SUPT3H: variants seen among roughly 807,000 people sequenced by gnomAD.
SUPT3H encodes the protein SPT3 homolog, SAGA and STAGA complex component, also known as transcription initiation protein SPT3 homolog.
Under a neutral mutation model 44.3 loss-of-function variants are expected in SUPT3H, and 44 were observed. The observed-to-expected ratio is 0.99, with a 90% CI of 0.78 to 1.28. The LOEUF is 1.28. Among genes scored for constraint, SUPT3H ranks in the 50% most tolerant of loss-of-function variants. The pLI, the probability that SUPT3H is intolerant of heterozygous loss-of-function variation, is 0.00. For missense variants in SUPT3H, 380 were observed against 387.1 expected (o/e 0.98, Z 0.15); for synonymous variants, 124 against 125.6 (o/e 0.99, Z 0.09).
intron 2 of SUPT3H, chr6:45,361,836 A>C (rs906931163): frequency 2.6e-5 from 4 of 152,368 alleles, no homozygotes; most frequent in African/African-American, 9.7e-5. Flanking sequence ...GGATCACTTG[A>C]GGTCAGGAGT....
intron 2 of SUPT3H, among the ~76,000 whole-genome samples, chr6:45,120,933 T>C (rs1393917425): frequency 6.6e-6 from 1 of 152,192 alleles, no homozygotes; most frequent in Non-Finnish European, 1.5e-5. Context: ...AGAACAATAA[T>C]ATTAGAACAA....
chr6:44,846,860 C>T (rs1771964696), intron 10 of SUPT3H, among the ~76,000 whole-genome samples: 1 of 152,106 alleles, frequency 6.6e-6, no homozygotes, highest in African/African-American at 2.4e-5. Flanking sequence ...AAACTCTTGA[C>T]CTCAGGTGAT....
chr6:44,916,206 G>A (rs1767781848), intron 10 of SUPT3H, among the ~76,000 whole-genome samples: 1 of 152,198 alleles, frequency 6.6e-6, no homozygotes, highest in South Asian at 2.1e-4. Context: ...ATCCTTTCCT[G>A]ATGCTCAAGC....
intron 2 of SUPT3H, among the ~76,000 whole-genome samples, chr6:45,364,735 A>C (rs1436278943): frequency 6.6e-6 from 1 of 152,198 alleles, no homozygotes; most frequent in African/African-American, 2.4e-5. Flanking sequence ...GCTCTGAAAC[A>C]CAGTGATTTC....
chr6:44,852,059 G>A (rs1199714350), intron 10 of SUPT3H, among the ~76,000 whole-genome samples: 1 of 152,136 alleles, frequency 6.6e-6, no homozygotes, highest in African/African-American at 2.4e-5. Flanking sequence ...GGACCAATTC[G>A]TGGTAATAAT....
chr6:44,933,107 AC>A (rs200532407), intron 9 of SUPT3H, among the ~76,000 whole-genome samples: 1,706 of 152,314 alleles, frequency 0.011, 14 homozygotes, highest in South Asian at 0.025. Context: ...TTTAAAAAAA[AC>A]ATTTTAACAT....
chr6:44,822,983 T>G (rs138261145), downstream of SUPT3H, among the ~76,000 whole-genome samples: 785 of 151,438 alleles, frequency 5.2e-3, 5 homozygotes, highest in African/African-American at 0.018. Context: ...CTGGATGTGG[T>G]GGCGCATGCC....
chr6:44,929,128 C>T (rs1435351181), intron 10 of SUPT3H, among the ~76,000 whole-genome samples: 2 of 151,700 alleles, frequency 1.3e-5, no homozygotes, highest in South Asian at 2.1e-4. Context: ...TCCTTCTTCC[C>T]CAGCTAACAT....
intron 2 of SUPT3H, among the ~76,000 whole-genome samples, chr6:45,206,603 A>C (rs1763254372): frequency 6.6e-6 from 1 of 152,170 alleles, no homozygotes; most frequent in African/African-American, 2.4e-5. Context: ...GAAGAATAAA[A>C]CAAGGGGCAG....
chr6:45,153,291 G>A (rs1807246974), intron 2 of SUPT3H, among the ~76,000 whole-genome samples: 1 of 152,160 alleles, frequency 6.6e-6, no homozygotes, highest in African/African-American at 2.4e-5. Context: ...CTTCACTAGT[G>A]TAGCCCTAGT....
At chr6:44,882,028 A>C (rs1778314609) in intron 10 of SUPT3H, among the ~76,000 whole-genome samples, 1 of 152,192 alleles carries the variant, frequency 6.6e-6, no homozygotes, top group Admixed American at 6.5e-5. Context: ...CCAAGACATA[A>C]CTAAGATCAG....
chr6:45,165,773 A>G (rs922905011), intron 2 of SUPT3H, among the ~76,000 whole-genome samples: 2 of 152,154 alleles, frequency 1.3e-5, no homozygotes, highest in Non-Finnish European at 2.9e-5. Flanking sequence ...ACATAAAGAC[A>G]AGTGAACAAA....
chr6:45,332,411 T>C (rs897848034), intron 2 of SUPT3H, among the ~76,000 whole-genome samples: 13 of 151,894 alleles, frequency 8.6e-5, no homozygotes, highest in African/African-American at 2.9e-4. Flanking sequence ...TGGGACTATA[T>C]TATTTATTTT....
chr6:45,376,428 AATTT>A lies in SUPT3H; in HGVS notation c.-1+1336_-1+1339del, dbSNP rs373747064. ...ACATGTGGGTATTTAAACGTAAATCAATTTATTAATTTATGAATAAAATTAAAAA... is the reference window on the plus strand; with the variant it reads ...ACATGTGGGTATTTAAACGTAAATCAATTAATTTATGAATAAAATTAAAAA... On this transcript the variant is annotated intron_variant, in intron 1 of 10. Transcript: ENST00000371459. Among the ~76,000 whole-genome samples the A allele has an allele frequency of 2.6e-3, 391 of 152,358 alleles. 3 individuals are homozygous for A. Among genetic ancestry groups the A allele is most frequent in the African/African-American group, 8.6e-3 (357 of 41,580 alleles).
At chr6:45,157,317 T>C (rs1807991670) in intron 2 of SUPT3H, among the ~76,000 whole-genome samples, 2 of 151,972 alleles carry the variant, frequency 1.3e-5, no homozygotes, top group Non-Finnish European at 2.9e-5. Context: ...AAAATCAATA[T>C]ATTATTTAAC....
chr6:45,064,870 A>G (rs970426296), intron 3 of SUPT3H, among the ~76,000 whole-genome samples: 8 of 146,724 alleles, frequency 5.5e-5, no homozygotes, highest in Admixed American at 4.1e-4. Context: ...GGGAGACTTT[A>G]ACACCCCACT....
intron 1 of SUPT3H, chr6:45,371,836 T>C (rs1796117168): frequency 1.0e-6 from 1 of 984,452 alleles, no homozygotes; most frequent in South Asian, 4.7e-5. Context: ...TGAGCAGACT[T>C]CAGAACTACA....
chr6:45,344,634 T>C (rs1210145131), intron 2 of SUPT3H, among the ~76,000 whole-genome samples: 2 of 152,078 alleles, frequency 1.3e-5, no homozygotes, highest in African/African-American at 2.4e-5. Context: ...TTAAAACCCA[T>C]TAAAAATCAG....
At chr6:44,834,866 G>A (rs983678800) in intron 10 of SUPT3H, among the ~76,000 whole-genome samples, 7 of 152,120 alleles carry the variant, frequency 4.6e-5, no homozygotes, top group South Asian at 2.1e-4. Flanking sequence ...TGGAGTTGGC[G>A]GAGGGGCGGT....
Sources: allele counts gnomAD v4.1 joint callset (sites outside exome capture counted in the v4.1 genomes callset), GRCh38; gene constraint gnomAD v4.1.1; transcripts MANE v1.5; gene names NCBI Gene and HGNC (gene_info 2026-07-23, HGNC 2026-07-21).